Variants in TASP1 observed in about 807,000 individuals in gnomAD.
The protein encoded by TASP1 is threonine aspartase 1.
In TASP1, 16 loss-of-function variants were observed where a neutral mutation model predicts 56.6. The ratio of observed to expected loss-of-function variants is 0.28; its 90% CI spans 0.19 to 0.43. TASP1 has a LOEUF of 0.43. Among genes scored for constraint, TASP1 ranks in the 20% least tolerant of loss-of-function variants. TASP1 has a pLI of 1.00. For missense variants in TASP1, 393 were observed against 511.6 expected, an observed-to-expected ratio of 0.77 and a Z score of 2.24; for synonymous variants, 179 against 184.2, an observed-to-expected ratio of 0.97 and a Z score of 0.23.
At chr20:13,200,022 T>C in the TASP1 span, among the ~76,000 whole-genome samples, 1 of 152,214 alleles carries the variant, frequency 6.6e-6, no homozygotes, top group African/African-American at 2.4e-5. Flanking sequence ...TCCAAATAGA[T>C]AAAGTCACAA....
intron 11 of TASP1, among the ~76,000 whole-genome samples, chr20:13,448,385 T>C (rs958790619): frequency 2.6e-5 from 4 of 152,148 alleles, no homozygotes; most frequent in African/African-American, 4.8e-5. Context: ...TCTTTGCTGC[T>C]TTCATATCAT....
chr20:13,420,406 T>A (rs2042395210), intron 12 of TASP1, among the ~76,000 whole-genome samples: 2 of 152,202 alleles, frequency 1.3e-5, no homozygotes, highest in African/African-American at 4.8e-5. Context: ...TAACTCAATG[T>A]CTAAAATTTC....
intron 11 of TASP1, among the ~76,000 whole-genome samples, chr20:13,474,030 C>A (rs2044625885): frequency 6.6e-6 from 1 of 152,116 alleles, no homozygotes; most frequent in Admixed American, 6.6e-5. Context: ...GAGCTATGAT[C>A]GTGCTACTGC....
the TASP1 span, among the ~76,000 whole-genome samples, chr20:13,170,320 T>C: frequency 1.3e-5 from 2 of 152,192 alleles, no homozygotes; most frequent in African/African-American, 4.8e-5. Context: ...TCTTAAAAAG[T>C]TATTTTAGCT....
chr20:13,250,713 A>G, the TASP1 span, among the ~76,000 whole-genome samples: 2 of 152,262 alleles, frequency 1.3e-5, no homozygotes, highest in Admixed American at 6.5e-5. Flanking sequence ...CTTGCTCCCT[A>G]TTGTATTTCC....
chr20:13,366,794 C>G, the TASP1 span, among the ~76,000 whole-genome samples: 4 of 152,142 alleles, frequency 2.6e-5, no homozygotes, highest in Non-Finnish European at 5.9e-5. Flanking sequence ...TAGTTGCATA[C>G]CAAAAAGCAT....
At chr20:13,340,819 T>C in the TASP1 span, among the ~76,000 whole-genome samples, 1 of 152,368 alleles carries the variant, frequency 6.6e-6, no homozygotes, top group African/African-American at 2.4e-5. Flanking sequence ...GTAATGATTT[T>C]ACTCTTATAA....
the TASP1 span, among the ~76,000 whole-genome samples, chr20:13,336,683 T>G: frequency 1.3e-5 from 2 of 152,244 alleles, no homozygotes; most frequent in Admixed American, 1.3e-4. Flanking sequence ...AGTATTTATT[T>G]TGCATTGGGC....
At chr20:13,127,002 G>A in the TASP1 span, among the ~76,000 whole-genome samples, 47 of 152,340 alleles carry the variant, frequency 3.1e-4, no homozygotes, top group South Asian at 6.4e-3. Context: ...GTGTGTGTGC[G>A]CGCACGTGAG....
At chr20:13,110,433 G>A in the TASP1 span, among the ~76,000 whole-genome samples, 15 of 152,276 alleles carry the variant, frequency 9.9e-5, no homozygotes, top group African/African-American at 2.9e-4. Context: ...GAGGCTGGCC[G>A]GCTTGTGAAG....
intron 10 of TASP1, among the ~76,000 whole-genome samples, chr20:13,493,293 T>A (rs188726360): frequency 5.9e-5 from 9 of 152,296 alleles, no homozygotes; most frequent in Admixed American, 2.0e-4. Flanking sequence ...GGTGTGTCTG[T>A]GAGGGTGCTG....
the TASP1 span, among the ~76,000 whole-genome samples, chr20:13,306,840 CAAGA>C: frequency 6.6e-6 from 1 of 152,094 alleles, no homozygotes; most frequent in African/African-American, 2.4e-5. Flanking sequence ...GGACTCTGGT[CAAGA>C]AAGAACGAGG....
At chr20:13,306,564 C>CAAAAAAAAAAAAAAAAAAAAAAGAAA in the TASP1 span, among the ~76,000 whole-genome samples, 15 of 63,912 alleles carry the variant, frequency 2.3e-4, no homozygotes, top group African/African-American at 5.1e-4. Flanking sequence ...GGAGAAAGGA[C>CAAAAAAAAAAAAAAAAAAAAAAGAAA]AAAAAAAAAA....
At chr20:13,187,992 C>T in the TASP1 span, among the ~76,000 whole-genome samples, 2 of 152,078 alleles carry the variant, frequency 1.3e-5, no homozygotes, top group Non-Finnish European at 2.9e-5. Flanking sequence ...GAGGGCTGCT[C>T]CCTTGTTAAT....
intron 11 of TASP1, among the ~76,000 whole-genome samples, chr20:13,460,185 G>A (rs2044000955): frequency 6.6e-6 from 1 of 152,144 alleles, no homozygotes; most frequent in Admixed American, 6.5e-5. Flanking sequence ...GCTAGTCAGT[G>A]ATCAGTTCCC....
At chr20:13,539,937 A>AGT (rs1225172455) in intron 8 of TASP1, among the ~76,000 whole-genome samples, 2 of 141,766 alleles carry the variant, frequency 1.4e-5, no homozygotes, top group South Asian at 4.5e-4. Context: ...ATGTTGAATG[A>AGT]GTGTGTGTAA....
chr20:13,598,768 T>G (rs563212953), intron 4 of TASP1, among the ~76,000 whole-genome samples: 1 of 151,908 alleles, frequency 6.6e-6, no homozygotes. Context: ...TGGGAGAAAA[T>G]TTTTGCAATC....
chr20:13,145,351 A>T, the TASP1 span, among the ~76,000 whole-genome samples: 1 of 152,178 alleles, frequency 6.6e-6, no homozygotes, highest in African/African-American at 2.4e-5. Context: ...ACAACAGCAA[A>T]ACTGAGAGCC....
At chr20:13,488,321 C>T (rs2146546129) in intron 10 of TASP1, among the ~76,000 whole-genome samples, 1 of 152,036 alleles carries the variant, frequency 6.6e-6, no homozygotes, top group Middle Eastern at 3.4e-3. Context: ...GAAAAAAATT[C>T]ACCTACAAAA....
Sources: gnomAD v4.1 joint callset for allele counts (sites outside exome capture counted in the v4.1 genomes callset) on GRCh38, gnomAD v4.1.1 for gene constraint, MANE v1.5 for transcripts, NCBI Gene and HGNC (gene_info 2026-07-23, HGNC 2026-07-21) for gene names.